Variants in BTBD9 observed in about 807,000 individuals in gnomAD.
BTBD9 encodes BTB/POZ domain-containing protein 9.
Under a neutral mutation model 64.3 loss-of-function variants are expected in BTBD9, and 49 were observed. The observed-to-expected ratio is 0.76, with a 90% CI of 0.61 to 0.97. The LOEUF is 0.97. Among genes scored for constraint, BTBD9 ranks in the 50% least tolerant of loss-of-function variants. The pLI is 0.00. For synonymous variants in BTBD9, 260 were observed against 274.7 expected (o/e 0.95, Z 0.53); for missense variants, 598 against 762.1 (o/e 0.78, Z 2.53).
chr6:38,438,072 C>G (rs760476044), intron 6 of BTBD9, among the ~76,000 whole-genome samples: 1 of 151,658 alleles, frequency 6.6e-6, no homozygotes, highest in African/African-American at 2.4e-5. Flanking sequence ...GATATTTTCA[C>G]TCACATCAAC....
chr6:38,411,263 A>G (rs1247261363), intron 6 of BTBD9, among the ~76,000 whole-genome samples: 2 of 152,234 alleles, frequency 1.3e-5, no homozygotes, highest in Non-Finnish European at 2.9e-5. Context: ...AGAATAGCCA[A>G]GAAAACCCTG....
At chr6:38,457,393 T>C (rs556773033) in intron 6 of BTBD9, among the ~76,000 whole-genome samples, 1 of 152,298 alleles carries the variant, frequency 6.6e-6, no homozygotes, top group African/African-American at 2.4e-5. Flanking sequence ...ACAGTGGTGT[T>C]AGTGCAGATT....
chr6:38,428,007 C>T (rs1486278375), intron 6 of BTBD9, among the ~76,000 whole-genome samples: 1 of 151,846 alleles, frequency 6.6e-6, no homozygotes, highest in Non-Finnish European at 1.5e-5. Flanking sequence ...AGTCAAGGTA[C>T]TTTTCTATAT....
At chr6:38,217,908 C>A (rs1365190642) in intron 9 of BTBD9, among the ~76,000 whole-genome samples, 7 of 152,062 alleles carry the variant, frequency 4.6e-5, no homozygotes, top group African/African-American at 1.7e-4. Context: ...TAAGGCCTTA[C>A]CCTGCTGCTG....
In BTBD9 at chr6:38,235,618, C is replaced by A. The variant is rs1236114163; in HGVS notation, c.1562+20791G>T. ...CGTGCTCATCTTAGCAGCTCATGGC[C>A]CCAAATGTAGGGTGCACACCAGATG... On this transcript the variant is annotated intron_variant, in intron 9 of 10. Transcript: ENST00000481247. Among the ~76,000 whole-genome samples the A allele has an allele frequency of 2.0e-5, 3 of 151,982 alleles. No homozygotes were observed. The East Asian group carries it at 5.8e-4, about 29-fold the overall frequency.
Position 38,502,327 on chromosome 6 carries a change from C to T in BTBD9, c.1154+75273G>A, listed in dbSNP as rs1056436412. ...TGCTACCCACGAAACAATATGAGTACATTTTTTTTCCATGGTGTATTCTCT... is the reference window on the plus strand; with the variant it reads ...TGCTACCCACGAAACAATATGAGTATATTTTTTTTCCATGGTGTATTCTCT... On this transcript the variant is annotated intron_variant, in intron 6 of 10. Transcript: ENST00000481247. Among the ~76,000 whole-genome samples, 10 of 152,312 alleles carry T rather than the reference C, an allele frequency of 6.6e-5. No individual in the cohort carries two copies. In the South Asian group the frequency reaches 1.4e-3, roughly 22 times the overall value.
intron 2 of BTBD9, among the ~76,000 whole-genome samples, chr6:38,594,830 C>T (rs1197578933): frequency 6.6e-6 from 1 of 151,888 alleles, no homozygotes; most frequent in Non-Finnish European, 1.5e-5. Flanking sequence ...AAATGGCAGC[C>T]CTTTATGGAA....
chr6:38,219,098 T>C (rs751226354), intron 9 of BTBD9, among the ~76,000 whole-genome samples: 3 of 151,160 alleles, frequency 2.0e-5, no homozygotes, highest in Admixed American at 6.6e-5. Flanking sequence ...GAGGGACAGA[T>C]AGTATTAAGT....
chr6:38,414,877 T>A (rs1215523366), intron 6 of BTBD9, among the ~76,000 whole-genome samples: 1 of 152,174 alleles, frequency 6.6e-6, no homozygotes, highest in African/African-American at 2.4e-5. Flanking sequence ...AGGCAACTCA[T>A]GTATATCATG....
intron 6 of BTBD9, among the ~76,000 whole-genome samples, chr6:38,347,953 C>T (rs533741434): frequency 1.2e-4 from 18 of 152,246 alleles, no homozygotes; most frequent in East Asian, 7.7e-4. Context: ...GCTGAGATCG[C>T]GCCACTGTGC....
chr6:38,330,328 C>T (rs1166258641), intron 7 of BTBD9, among the ~76,000 whole-genome samples: 2 of 152,200 alleles, frequency 1.3e-5, no homozygotes, highest in Non-Finnish European at 2.9e-5. Context: ...GCTGTGATTA[C>T]AGGTGTGAGC....
intron 4 of BTBD9, 48 bp from the exon 5 acceptor site, chr6:38,580,485 C>G: frequency 6.7e-7 from 1 of 1,492,324 alleles, no homozygotes; most frequent in Non-Finnish European, 9.2e-7. Context: ...CTTATTTATT[C>G]TGTATTTTTT....
chr6:38,623,190 A>G (rs755464952), intron 1 of BTBD9, among the ~76,000 whole-genome samples: 1 of 152,080 alleles, frequency 6.6e-6, no homozygotes. Flanking sequence ...ATGTCAACCT[A>G]TATCTGCCTC....
chr6:38,239,982 C>A (rs970538269), intron 9 of BTBD9, among the ~76,000 whole-genome samples: 16 of 152,184 alleles, frequency 1.1e-4, no homozygotes, highest in African/African-American at 3.9e-4. Flanking sequence ...TTTACTAAGC[C>A]TCCCGATAGC....
intron 9 of BTBD9, among the ~76,000 whole-genome samples, chr6:38,200,674 T>C (rs1286884907): frequency 1.3e-5 from 2 of 151,896 alleles, no homozygotes; most frequent in Non-Finnish European, 2.9e-5. Context: ...AAGAAATGGA[T>C]AAACTCCTGG....
At chr6:38,567,104 G>A (rs915584298) in intron 6 of BTBD9, among the ~76,000 whole-genome samples, 2 of 152,158 alleles carry the variant, frequency 1.3e-5, no homozygotes, top group Non-Finnish European at 2.9e-5. Context: ...GTCTTAGGCA[G>A]GCGATAACAC....
intron 4 of BTBD9, among the ~76,000 whole-genome samples, chr6:38,584,250 C>T (rs1025038573): frequency 2.6e-5 from 4 of 152,128 alleles, no homozygotes; most frequent in African/African-American, 7.2e-5. Context: ...ATCACTTGAA[C>T]CTGGGAGGTG....
chr6:38,177,578 G>A (rs1193260062), intron 10 of BTBD9, among the ~76,000 whole-genome samples: 3 of 152,220 alleles, frequency 2.0e-5, no homozygotes, highest in Admixed American at 6.5e-5. Flanking sequence ...CTTCACAGCC[G>A]GCCTCTCACT....
intron 1 of BTBD9, among the ~76,000 whole-genome samples, chr6:38,598,655 C>T (rs1348578126): frequency 6.6e-6 from 1 of 152,082 alleles, no homozygotes; most frequent in African/African-American, 2.4e-5. Flanking sequence ...CGGTGGCTCA[C>T]GCCTGTAATC....
Sources: allele counts gnomAD v4.1 joint callset (sites outside exome capture counted in the v4.1 genomes callset), GRCh38; gene constraint gnomAD v4.1.1; transcripts MANE v1.5; gene names NCBI Gene and HGNC (gene_info 2026-07-23, HGNC 2026-07-21).